The following MTUS2 variants were observed in gnomAD, a reference collection of about 807,000 sequenced individuals.
MTUS2 encodes microtubule associated scaffold protein 2.
MTUS2 carries 40 observed loss-of-function variants against 114.1 expected under a neutral mutation model. The observed-to-expected ratio is 0.35, with a 90% CI of 0.27 to 0.46. The LOEUF is 0.46. Ranked by LOEUF, MTUS2 falls within the 20% of genes least tolerant of loss-of-function variation. The pLI is 1.00. For synonymous variants in MTUS2, 688 were observed against 672.0 expected (o/e 1.02, Z -0.37); for missense variants, 1,679 against 1,705.4 (o/e 0.98, Z 0.27).
chr13:28,962,095 T>C (rs1216521437), intron 2 of MTUS2, among the ~76,000 whole-genome samples: 3 of 151,476 alleles, frequency 2.0e-5, no homozygotes, highest in Non-Finnish European at 4.4e-5. Flanking sequence ...TATATACATA[T>C]AAAATGAAGA....
chr13:28,999,075 A>T (rs1019458685), intron 2 of MTUS2, among the ~76,000 whole-genome samples: 2 of 152,064 alleles, frequency 1.3e-5, no homozygotes, highest in Non-Finnish European at 2.9e-5. Context: ...TTTGGTGTGG[A>T]TGTCCTTTCT....
intron 5 of MTUS2, among the ~76,000 whole-genome samples, chr13:29,247,882 A>G (rs1373019001): frequency 6.6e-6 from 1 of 152,238 alleles, no homozygotes; most frequent in African/African-American, 2.4e-5. Context: ...TGTTTGATCT[A>G]GCAATCCCAT....
chr13:28,866,608 G>T (rs144613972), intron 2 of MTUS2, among the ~76,000 whole-genome samples: 1 of 152,256 alleles, frequency 6.6e-6, no homozygotes, highest in African/African-American at 2.4e-5. Flanking sequence ...CATTTATTAT[G>T]AACTCTTTTC....
chr13:29,330,537 G>T (rs1900727087), intron 7 of MTUS2, among the ~76,000 whole-genome samples: 1 of 152,020 alleles, frequency 6.6e-6, no homozygotes, highest in Non-Finnish European at 1.5e-5. Flanking sequence ...TTATTGCCTG[G>T]GTTTTCTTTT....
At chr13:28,939,812 G>C (rs1428311379) in intron 2 of MTUS2, among the ~76,000 whole-genome samples, 3 of 152,100 alleles carry the variant, frequency 2.0e-5, no homozygotes, top group African/African-American at 7.2e-5. Flanking sequence ...ACCCAACGCT[G>C]GGTAATATAT....
intron 2 of MTUS2, among the ~76,000 whole-genome samples, chr13:28,948,614 T>C (rs1300703783): frequency 6.6e-6 from 1 of 152,198 alleles, no homozygotes; most frequent in Non-Finnish European, 1.5e-5. Flanking sequence ...TACCCTCTCA[T>C]AAAATAGATG....
At chr13:29,127,170 G>T (rs185191768) in intron 5 of MTUS2, among the ~76,000 whole-genome samples, 2 of 152,284 alleles carry the variant, frequency 1.3e-5, no homozygotes, top group African/African-American at 2.4e-5. Flanking sequence ...TTCCTCCAGA[G>T]ATCCTTACCT....
Position 29,098,148 on chromosome 13 carries a change from G to A in MTUS2, c.2447-2625G>A, listed in dbSNP as rs1235429217. Among the ~76,000 whole-genome samples the A allele has an allele frequency of 2.0e-5, 3 of 152,150 alleles. No homozygotes were observed. In the East Asian group the frequency reaches 5.8e-4, roughly 29 times the overall value. On this transcript the variant is annotated intron_variant, in intron 4 of 15. Coordinates refer to ENST00000612955, the MANE Select transcript of MTUS2 (RefSeq NM_001033602.4). ...CAGACCAACTCTCATGCAGAGACTA[G>A]TTGAGATATTTGACTTATACTGTGG...
At chr13:29,079,671 G>T (rs1371747641) in intron 4 of MTUS2, among the ~76,000 whole-genome samples, 1 of 152,062 alleles carries the variant, frequency 6.6e-6, no homozygotes, top group East Asian at 1.9e-4. Context: ...CCAATGAATG[G>T]TCTTGGCAAC....
In MTUS2 at chr13:28,894,260, TAAG is replaced by T. The variant is rs1418995784; in HGVS notation, c.-243+54417_-243+54419del. 5.1e-5 allele frequency among the ~76,000 whole-genome samples: 6 copies of T among 116,950 alleles called. No homozygotes were observed. In the South Asian group the frequency reaches 9.4e-4, roughly 18 times the overall value. The allele number at this position is 116,950 out of a possible 152,430, so 76.7% of individuals were successfully genotyped here. ...CTCTGGGATGGGATTAATGTCCTTA[TAAG>T]AAGAAGGAGAGTTGGTGGGGGGGGG... On this transcript the variant is annotated intron_variant, in intron 2 of 15. Transcript: ENST00000612955.
At chr13:29,135,741 C>G (rs1891952431) in intron 5 of MTUS2, among the ~76,000 whole-genome samples, 1 of 151,970 alleles carries the variant, frequency 6.6e-6, no homozygotes, top group Non-Finnish European at 1.5e-5. Flanking sequence ...CATTTAACAT[C>G]CTAAAGTTAT....
intron 5 of MTUS2, among the ~76,000 whole-genome samples, chr13:29,200,720 A>G (rs1894918821): frequency 6.6e-6 from 1 of 151,824 alleles, no homozygotes; most frequent in Non-Finnish European, 1.5e-5. Context: ...GGGATTCTCC[A>G]TGTTGGTCAG....
chr13:29,381,600 G>C (rs957351124), intron 8 of MTUS2, among the ~76,000 whole-genome samples: 1 of 152,114 alleles, frequency 6.6e-6, no homozygotes, highest in Non-Finnish European at 1.5e-5. Context: ...GAATTACTTT[G>C]CCTAAAGTCA....
intron 3 of MTUS2, among the ~76,000 whole-genome samples, chr13:29,030,183 T>G (rs1260306393): frequency 6.6e-6 from 1 of 152,218 alleles, no homozygotes; most frequent in Non-Finnish European, 1.5e-5. Context: ...CCAAACTATT[T>G]TCTCTACTTC....
intron 5 of MTUS2, among the ~76,000 whole-genome samples, chr13:29,156,981 A>G (rs1328124830): frequency 6.6e-6 from 1 of 152,192 alleles, no homozygotes; most frequent in Non-Finnish European, 1.5e-5. Flanking sequence ...GTCTTTAAAT[A>G]TTAGATAAAG....
At chr13:28,945,617 A>G (rs1397371402) in intron 2 of MTUS2, among the ~76,000 whole-genome samples, 1 of 152,078 alleles carries the variant, frequency 6.6e-6, no homozygotes, top group Non-Finnish European at 1.5e-5. Flanking sequence ...GGCCATTTGT[A>G]TGTCTTCTTT....
intron 2 of MTUS2, among the ~76,000 whole-genome samples, chr13:28,970,000 G>C (rs774564717): frequency 6.6e-6 from 1 of 152,196 alleles, no homozygotes; most frequent in Admixed American, 6.5e-5. Flanking sequence ...GGCTGGTCTT[G>C]AATGCCTGTC....
intron 7 of MTUS2, among the ~76,000 whole-genome samples, chr13:29,343,539 CCCTCTT>C (rs1566143033): frequency 1.3e-5 from 2 of 151,826 alleles, no homozygotes; most frequent in East Asian, 3.9e-4. Context: ...TTTGGATCTT[CCCTCTT>C]CTTTTCTTGG....
chr13:29,328,642 G>A (rs1900631376), intron 7 of MTUS2, among the ~76,000 whole-genome samples: 2 of 152,166 alleles, frequency 1.3e-5, no homozygotes, highest in South Asian at 2.1e-4. Context: ...GATGGAAAAT[G>A]TCTCTTTAAA....
Sources: allele counts gnomAD v4.1 joint callset (sites outside exome capture counted in the v4.1 genomes callset), GRCh38; gene constraint gnomAD v4.1.1; transcripts MANE v1.5; gene names NCBI Gene and HGNC (gene_info 2026-07-23, HGNC 2026-07-21).